HMCN2: variants seen among roughly 807,000 people sequenced by gnomAD.
HMCN2 encodes the protein hemicentin-2.
Under a neutral mutation model 377.5 loss-of-function variants are expected in HMCN2, and 325 were observed. The observed-to-expected ratio is 0.86, with a 90% CI of 0.79 to 0.94. The LOEUF (loss-of-function observed/expected upper bound fraction) is 0.94. Among genes scored for constraint, HMCN2 ranks in the 40% least tolerant of loss-of-function variants. HMCN2 has a pLI of 0.00. For synonymous variants in HMCN2, 2,007 were observed against 2,046.8 expected, an observed-to-expected ratio of 0.98 and a Z score of 0.53; for missense variants, 4,543 against 4,725.3, an observed-to-expected ratio of 0.96 and a Z score of 1.13.
chr9:130,332,531 C>T (rs1588255696), intron 22 of HMCN2, among the ~76,000 whole-genome samples: 1 of 152,246 alleles, frequency 6.6e-6, no homozygotes, highest in Non-Finnish European at 1.5e-5. Flanking sequence ...CTGTGGCTGG[C>T]GTCAGCACCA....
rs780196691 is a variant in HMCN2 at position 130,396,246 on chromosome 9, G to A, written c.11131G>A (p.Asp3711Asn). 7 of 1,287,184 alleles carry A rather than the reference G, an allele frequency of 5.4e-6. No homozygotes were observed. The highest frequency in any genetic ancestry group is 5.1e-6 in the Non-Finnish European group (5 of 986,628). The allele number at this position is 1,287,184 out of a possible 1,614,324, so 79.7% of individuals were successfully genotyped here. The change falls in exon 73 of 98, where the codon GAC (aspartate) becomes AAC (asparagine). Residue 3711 changes from aspartate (D) to asparagine (N), a missense_variant. Transcript: ENST00000683500. ...GACAGCCCTGCTGCCTTGCCAGGCC[G>A]ACGGCGTGCCCGCACCCCTCGTGAG... ...NQTALLPCQADGVPAPLVSWR... is the reference protein window; with the variant it reads ...NQTALLPCQANGVPAPLVSWR...
intron 22 of HMCN2, among the ~76,000 whole-genome samples, chr9:130,327,866 C>G (rs1225518780): frequency 1.3e-5 from 2 of 152,228 alleles, no homozygotes; most frequent in African/African-American, 4.8e-5. Flanking sequence ...ACACACCACC[C>G]CCATGCCTGC....
At chr9:130,390,360 T>C (rs1842247330) in intron 62 of HMCN2, among the ~76,000 whole-genome samples, 1 of 152,112 alleles carries the variant, frequency 6.6e-6, no homozygotes, top group Admixed American at 6.5e-5. Context: ...GTGAACTCCT[T>C]GAGGACAGGG....
chr9:130,356,433 C>T (rs1246291412), intron 34 of HMCN2, among the ~76,000 whole-genome samples, 176 bp downstream of exon 34: 1 of 152,198 alleles, frequency 6.6e-6, no homozygotes, highest in East Asian at 1.9e-4. Flanking sequence ...GGCCGGGCCA[C>T]TTATCACACT....
rs1840654450 is a variant in HMCN2, at chr9:130,365,694, C to T, written c.6472C>T (p.His2158Tyr). 20 of 985,940 alleles carry T rather than the reference C, an allele frequency of 2.0e-5. No homozygotes were observed. The highest frequency in any genetic ancestry group is 2.4e-5 in the Non-Finnish European group (20 of 829,998). The allele number at this position is 985,940 out of a possible 1,614,324, so 61.1% of individuals were successfully genotyped here. Reference protein sequence around the residue: ...YTCEALNQAGHSEKHYNLNVW... With the variant: ...YTCEALNQAGYSEKHYNLNVW... ...CTGTGAGGCACTGAACCAGGCCGGC[C>T]ACTCAGAGAAACACTACAATCTGAA... is the stretch of plus-strand genomic sequence containing the variant. The change falls in exon 42 of 98, where the codon CAC becomes TAC. Residue 2158 changes from histidine to tyrosine, a missense_variant. Coordinates refer to ENST00000683500, the MANE Select transcript of HMCN2 (RefSeq NM_001291815.2).
intron 8 of HMCN2, among the ~76,000 whole-genome samples, chr9:130,301,643 C>T (rs1202727623): frequency 1.3e-5 from 2 of 152,230 alleles, no homozygotes; most frequent in Non-Finnish European, 2.9e-5. Flanking sequence ...ACACCCCTCC[C>T]CCCCCGGGAC....
intron 73 of HMCN2, among the ~76,000 whole-genome samples, chr9:130,396,553 G>T (rs998278750): frequency 4.6e-5 from 7 of 152,152 alleles, no homozygotes; most frequent in African/African-American, 1.7e-4. Context: ...AGATCTGATG[G>T]TTTTAAAGCT....
In HMCN2 at chr9:130,312,505, G is replaced by GTCTCTCTCTCCCTCCC. The variant is rs1197242012; in HGVS notation, c.2350+2446_2350+2447insTCTCTCTCCCTCCCTC. On this transcript the variant is annotated intron_variant, in intron 15 of 97. Transcript: ENST00000683500. ...TCTTTCTCTCTCTCTCTTTCTTTCT[G>GTCTCTCTCTCCCTCCC]TCCCTCCCTCCCTCCCTCCCTCCCT... 8.5e-3 allele frequency among the ~76,000 whole-genome samples: 51 copies of GTCTCTCTCTCCCTCCC among 6,028 alleles called. 16 individuals are homozygous for GTCTCTCTCTCCCTCCC. Among genetic ancestry groups the GTCTCTCTCTCCCTCCC allele is most frequent in the Non-Finnish European group, 0.024 (29 of 1,228 alleles). The allele number at this position is 6,028 out of a possible 152,430, so 4.0% of individuals were successfully genotyped here.
intron 25 of HMCN2, among the ~76,000 whole-genome samples, chr9:130,345,672 G>A (rs1839356001): frequency 6.6e-6 from 1 of 151,900 alleles, no homozygotes; most frequent in Admixed American, 6.6e-5. Flanking sequence ...GGGGAGTGGG[G>A]GTAGCAGCCC....
chr9:130,275,201 G>A (rs548039609), intron 1 of HMCN2, among the ~76,000 whole-genome samples: 6 of 152,260 alleles, frequency 3.9e-5, no homozygotes, highest in South Asian at 2.1e-4. Flanking sequence ...TTCATTGATC[G>A]TTGGTGACCT....
chr9:130,289,051 C>A (rs1303482921), intron 4 of HMCN2, among the ~76,000 whole-genome samples: 2 of 152,228 alleles, frequency 1.3e-5, no homozygotes, highest in Non-Finnish European at 2.9e-5. Context: ...CTGTCACTAG[C>A]CCCGACAGTG....
chr9:130,389,605 C>T (rs948994933), intron 62 of HMCN2, among the ~76,000 whole-genome samples: 9 of 150,828 alleles, frequency 6.0e-5, no homozygotes, highest in Non-Finnish European at 1.0e-4. Flanking sequence ...GACGGGGTCT[C>T]GCTCTGTTAC....
intron 52 of HMCN2, 49 bp downstream of exon 52, chr9:130,376,707 G>A (rs775069904): frequency 5.1e-5 from 50 of 982,400 alleles, no homozygotes; most frequent in South Asian, 1.9e-4. Context: ...CTCTGCTTCC[G>A]GCTGGTTCTG....
rs527554664 is a variant in HMCN2 at position 130,308,618 on chromosome 9, C to T, written c.2200+1052C>T. On this transcript the variant is annotated intron_variant, in intron 14 of 97. Coordinates refer to ENST00000683500, the MANE Select transcript of HMCN2 (RefSeq NM_001291815.2). The surrounding 1 kb of genome is among the most constrained non-coding windows in gnomAD (Gnocchi z 4.1). ...CAGGTGATATTAGCTCAGAGTTGAGCGTTTTTTTTAGGGTCACCAGCAAGT... is the reference window on the plus strand; with the variant it reads ...CAGGTGATATTAGCTCAGAGTTGAGTGTTTTTTTTAGGGTCACCAGCAAGT... Among the ~76,000 whole-genome samples, 9 of 152,250 alleles carry T rather than the reference C, an allele frequency of 5.9e-5. No individual in the cohort carries two copies. The South Asian group carries it at 1.0e-3, about 18-fold the overall frequency.
intron 23 of HMCN2, among the ~76,000 whole-genome samples, chr9:130,339,058 C>T (rs1018481006): frequency 2.1e-4 from 32 of 152,170 alleles, no homozygotes; most frequent in Admixed American, 4.6e-4. Context: ...TGCAATGGTC[C>T]GCACCTGTAG....
rs1842485386 is a variant in HMCN2, at chr9:130,394,255, T to C, written c.10502-130T>C. ...CTGGTTTCTTTCCACCAAACCTTGG[T>C]GGCAGATGCAAGAACAAGGGCCACC... On this transcript the variant is annotated intron_variant, in intron 68 of 97. Transcript: ENST00000683500. This position sits in a 1 kb window ranked among gnomAD's most constrained non-coding sequence, Gnocchi z 5.1. The C allele has an allele frequency of 6.6e-6, 4 of 607,910 alleles. No individual in the cohort carries two copies. The highest frequency in any genetic ancestry group is 7.4e-6 in the Non-Finnish European group (3 of 405,318). 37.7% of individuals were successfully genotyped at this position (607,910 alleles called of 1,614,324 possible).
intron 15 of HMCN2, among the ~76,000 whole-genome samples, chr9:130,316,064 C>T (rs987384287): frequency 5.9e-5 from 9 of 152,108 alleles, no homozygotes; most frequent in Non-Finnish European, 1.3e-4. Context: ...CTGGGAAGTC[C>T]CCTCTGCTGC....
chr9:130,265,962 G>A lies in HMCN2; in HGVS notation c.84G>A (p.Thr28=). The A allele has an allele frequency of 2.2e-6, 1 of 459,462 alleles. No homozygotes were observed. Among genetic ancestry groups the A allele is most frequent in the Non-Finnish European group, 4.5e-6 (1 of 221,880 alleles). 28.5% of individuals were successfully genotyped at this position (459,462 alleles called of 1,614,324 possible). The stretch of plus-strand genomic sequence containing the variant: ...TGGCAGTGGCCGGGGCGCCCGGGAC[G>A]GTAATGCCCCCCACCACGGGGGACG... The part of the protein sequence containing the change: ...VAVAVAGAPG[T]VMPPTTGDAT... Residue 28 remains threonine (T), a synonymous_variant, in exon 1 of 98, where the codon ACG becomes ACA. Coordinates refer to ENST00000683500, the MANE Select transcript of HMCN2 (RefSeq NM_001291815.2).
rs1554924109 is a variant in HMCN2, at chr9:130,278,119, TG to T, written c.260-6482del. Among the ~76,000 whole-genome samples, 266 of 151,914 alleles carry T rather than the reference TG, an allele frequency of 1.8e-3. 5 individuals are homozygous for T. Among genetic ancestry groups the T allele is most frequent in the African/African-American group, 6.0e-3 (249 of 41,318 alleles). On this transcript the variant is annotated intron_variant, in intron 1 of 97. Coordinates refer to ENST00000683500, the MANE Select transcript of HMCN2 (RefSeq NM_001291815.2). ...TATCATCATTGTTTTTTTGTTTGTT[TG>T]GTTGGTTGGTTGGTTTTTTTTTGAG...
Sources: gnomAD v4.1 joint callset for allele counts (sites outside exome capture counted in the v4.1 genomes callset) on GRCh38, gnomAD v4.1.1 for gene constraint, Gnocchi (gnomAD v3.1) non-coding constraint, MANE v1.5 for transcripts, NCBI Gene and HGNC (gene_info 2026-07-23, HGNC 2026-07-21) for gene names.